The following RTTN variants were observed in gnomAD, a reference collection of about 807,000 sequenced individuals.
RTTN encodes the protein rotatin.
RTTN carries 182 observed loss-of-function variants against 269.2 expected under a neutral mutation model. The observed-to-expected ratio is 0.68, with a 90% CI of 0.60 to 0.76. The LOEUF (loss-of-function observed/expected upper bound fraction) is 0.76. RTTN is among the 30% of genes least tolerant of loss of function. The probability of loss-of-function intolerance (pLI) is 0.00; values close to 1 mark genes in which losing one functional copy is unlikely to be tolerated. For synonymous variants in RTTN, 1,006 were observed against 963.5 expected, an observed-to-expected ratio of 1.04 and a Z score of -0.82; for missense variants, 2,545 against 2,608.6, an observed-to-expected ratio of 0.98 and a Z score of 0.53.
chr18:70,037,441 C>T (rs1412280651), intron 40 of RTTN, among the ~76,000 whole-genome samples: 2 of 152,122 alleles, frequency 1.3e-5, no homozygotes, highest in East Asian at 1.9e-4. Flanking sequence ...CACAATAGAA[C>T]AGGGCACTGG....
In RTTN at chr18:70,186,081, A is replaced by C. The variant is rs923650788; in HGVS notation, c.1305+2027T>G. 3.4e-3 allele frequency among the ~76,000 whole-genome samples: 399 copies of C among 116,562 alleles called. 3 individuals are homozygous for C. Among genetic ancestry groups the C allele is most frequent in the East Asian group, 0.013 (63 of 4,890 alleles). 76.5% of individuals were successfully genotyped at this position (116,562 alleles called of 152,430 possible). Reference sequence around the variant, plus strand: ...TCTATCAGAATGCCCTCTCCCCCCCAAAAAAAAAAAAAAAACTGAACATAA... The same window carrying C: ...TCTATCAGAATGCCCTCTCCCCCCCCAAAAAAAAAAAAAAACTGAACATAA... On this transcript the variant is annotated intron_variant, in intron 10 of 48. Coordinates refer to ENST00000640769, the MANE Select transcript of RTTN (RefSeq NM_173630.4).
chr18:70,081,800 A>G (rs1273494904), intron 32 of RTTN, among the ~76,000 whole-genome samples: 1 of 152,062 alleles, frequency 6.6e-6, no homozygotes, highest in African/African-American at 2.4e-5. Flanking sequence ...TCTATTAAAA[A>G]CAGCAGTGGG....
chr18:70,064,760 G>A (rs1171572874), intron 35 of RTTN, among the ~76,000 whole-genome samples: 1 of 152,128 alleles, frequency 6.6e-6, no homozygotes, highest in African/African-American at 2.4e-5. Flanking sequence ...AATTGATCGT[G>A]GTGACGGTTG....
chr18:70,034,278 T>C (rs1185319228), intron 40 of RTTN, among the ~76,000 whole-genome samples: 5 of 152,182 alleles, frequency 3.3e-5, no homozygotes, highest in African/African-American at 7.2e-5. Flanking sequence ...ATATCCTTGA[T>C]GAACAGCAAT....
At chr18:70,146,953 C>T (rs946577785) in intron 17 of RTTN, among the ~76,000 whole-genome samples, 3 of 152,182 alleles carry the variant, frequency 2.0e-5, no homozygotes, top group Non-Finnish European at 2.9e-5. Flanking sequence ...GGCTAAACAC[C>T]TACCTAATAG....
In RTTN at chr18:70,166,142, T is replaced by C; in HGVS notation, c.1849A>G (p.Lys617Glu). 1 of 1,613,586 alleles carries C rather than the reference T, an allele frequency of 6.2e-7. No individual in the cohort carries two copies. Among genetic ancestry groups the C allele is most frequent in the Non-Finnish European group, 8.5e-7 (1 of 1,179,534 alleles). The change falls in exon 14 of 49, where the codon AAG becomes GAG. Residue 617 changes from lysine (K) to glutamate (E), a missense_variant. Physicochemically the swap from Lys to Glu is moderately conservative, Grantham distance 56. Coordinates refer to ENST00000640769, the MANE Select transcript of RTTN (RefSeq NM_173630.4). The part of the protein sequence containing the change: ...ASPLLQGESQ[K>E]VLLHMLSHPL... Reference sequence around the variant, plus strand: ...TGAGACAACATATGGAGAAGCACCTTCTGACTTTCTCCTTGTAGTAATGGA... The same window carrying C: ...TGAGACAACATATGGAGAAGCACCTCCTGACTTTCTCCTTGTAGTAATGGA...
chr18:70,167,231 GC>G (rs1568497299), intron 12 of RTTN, among the ~76,000 whole-genome samples, 200 bp from the exon 13 acceptor site: 1 of 152,306 alleles, frequency 6.6e-6, no homozygotes, highest in East Asian at 1.9e-4. Context: ...CTAGCTAAAT[GC>G]CACATGAGAC....
chr18:70,108,284 A>T (rs1273374166), intron 28 of RTTN, among the ~76,000 whole-genome samples: 5 of 152,214 alleles, frequency 3.3e-5, no homozygotes, highest in Admixed American at 2.6e-4. Flanking sequence ...CTCAAAAAAA[A>T]AAAAAGTCAT....
At chr18:70,150,181 T>G in intron 15 of RTTN, 94 bp from the exon 16 acceptor site, 2 of 714,804 alleles carry the variant, frequency 2.8e-6, no homozygotes, top group Non-Finnish European at 4.9e-6. Context: ...TGTGGAAAGA[T>G]GCTATAATTA....
intron 14 of RTTN, among the ~76,000 whole-genome samples, chr18:70,156,097 G>A (rs971129038): frequency 3.9e-5 from 6 of 152,276 alleles, no homozygotes; most frequent in African/African-American, 1.2e-4. Context: ...TAACAGCAAC[G>A]TTCAGGGAAC....
intron 36 of RTTN, among the ~76,000 whole-genome samples, chr18:70,058,896 G>A (rs1222214580): frequency 6.6e-6 from 1 of 152,164 alleles, no homozygotes; most frequent in African/African-American, 2.4e-5. Context: ...GGTGAAACAA[G>A]GAATACTTCT....
chr18:70,091,723 A>T (rs1362748685), intron 30 of RTTN: 1 of 152,820 alleles, frequency 6.5e-6, no homozygotes, highest in East Asian at 1.9e-4. Context: ...TAATCCCATA[A>T]TATAACTATG....
At chr18:70,150,270 A>C in intron 15 of RTTN, 183 bp from the exon 16 acceptor site, 1 of 575,378 alleles carries the variant, frequency 1.7e-6, no homozygotes, top group Non-Finnish European at 3.1e-6. Flanking sequence ...TAATATTTCT[A>C]ATTTTTTACC....
intron 43 of RTTN, 84 bp from the exon 44 acceptor site, chr18:70,024,932 C>A: frequency 6.8e-7 from 1 of 1,461,786 alleles, no homozygotes; most frequent in East Asian, 2.4e-5. Context: ...AGAAAGCCAT[C>A]AACATAAGAC....
intron 25 of RTTN, among the ~76,000 whole-genome samples, chr18:70,123,016 C>T (rs6566461): frequency 3.3e-5 from 5 of 152,022 alleles, no homozygotes; most frequent in African/African-American, 9.7e-5. Context: ...AACTCAGGGC[C>T]TATCCCTTTG....
At chr18:70,110,742 C>G (rs1276237898) in intron 27 of RTTN, among the ~76,000 whole-genome samples, 2 of 152,192 alleles carry the variant, frequency 1.3e-5, no homozygotes, top group African/African-American at 4.8e-5. Flanking sequence ...GGTGCTGAAG[C>G]CAGGGAGCCA....
intron 3 of RTTN, among the ~76,000 whole-genome samples, chr18:70,203,630 A>G (rs1568567163): frequency 6.6e-6 from 1 of 152,344 alleles, no homozygotes; most frequent in East Asian, 1.9e-4. Context: ...GATTTTAACA[A>G]GTATATCATG....
chr18:70,009,119 A>G (rs1003436760), intron 46 of RTTN: 1 of 152,216 alleles, frequency 6.6e-6, no homozygotes, highest in Non-Finnish European at 1.5e-5. Flanking sequence ...CAACATTCTT[A>G]AAGAATTTAT....
At chr18:70,173,508 A>AG (rs2061201824) in intron 11 of RTTN, among the ~76,000 whole-genome samples, 1 of 151,786 alleles carries the variant, frequency 6.6e-6, no homozygotes. Flanking sequence ...AAAAAAAAAA[A>AG]AAAGAAAATA....
Sources: gnomAD v4.1 joint callset for allele counts (sites outside exome capture counted in the v4.1 genomes callset) on GRCh38, gnomAD v4.1.1 for gene constraint, MANE v1.5 for transcripts, NCBI Gene and HGNC (gene_info 2026-07-23, HGNC 2026-07-21) for gene names.